ODAD2: variants seen among roughly 807,000 people sequenced by gnomAD.
The protein encoded by ODAD2 is outer dynein arm-docking complex subunit 2.
In ODAD2, 89 loss-of-function variants were observed where a neutral mutation model predicts 106.8. The ratio of observed to expected loss-of-function variants is 0.83; its 90% CI spans 0.70 to 0.99. The LOEUF is 0.99. Ranked by LOEUF, ODAD2 falls within the 50% of genes least tolerant of loss-of-function variation. The pLI is 0.00. For synonymous variants in ODAD2, 404 were observed against 436.2 expected (o/e 0.93, Z 0.92); for missense variants, 1,168 against 1,238.5 (o/e 0.94, Z 0.85).
At chr10:27,987,592 A>G in intron 2 of ODAD2, 49 bp from the exon 3 acceptor site, 1 of 1,368,352 alleles carries the variant, frequency 7.3e-7, no homozygotes, top group Non-Finnish European at 1.0e-6. Flanking sequence ...CCTAGAGGTC[A>G]GTAGAAGTTA....
At chr10:27,842,341 AT>A (rs1838367825) in intron 19 of ODAD2, among the ~76,000 whole-genome samples, 1 of 152,108 alleles carries the variant, frequency 6.6e-6, no homozygotes, top group African/African-American at 2.4e-5. Context: ...CTGTATCTTT[AT>A]TTCATTTCTT....
intron 19 of ODAD2, among the ~76,000 whole-genome samples, chr10:27,833,204 T>G (rs185118017): frequency 1.3e-5 from 2 of 152,346 alleles, no homozygotes; most frequent in East Asian, 3.9e-4. Context: ...GCTTTCTAAA[T>G]TTACAGTCTG....
rs961166061 is a variant in ODAD2, at chr10:27,940,636, G to A, written c.1913C>T (p.Ala638Val). ...IRKAGGIPLL[A>V]RLLKTSHENM... Reference sequence around the variant, plus strand: ...TTCATGAGAAGTCTTCAGCAGCCGAGCCAACAGAGGAATGCCCCCAGCTTT... The same window carrying A: ...TTCATGAGAAGTCTTCAGCAGCCGAACCAACAGAGGAATGCCCCCAGCTTT... The change falls in exon 13 of 20, where the codon GCT becomes GTT. Residue 638 changes from alanine to valine, a missense_variant. Ala to Val is a moderately conservative substitution (Grantham distance 64). Transcript: ENST00000305242. 13 of 1,613,980 alleles carry A rather than the reference G, an allele frequency of 8.1e-6. No homozygotes were observed. Among genetic ancestry groups the A allele is most frequent in the Non-Finnish European group, 1.0e-5 (12 of 1,180,008 alleles).
chr10:27,927,813 T>A (rs554701895), intron 16 of ODAD2, among the ~76,000 whole-genome samples: 4 of 152,280 alleles, frequency 2.6e-5, no homozygotes, highest in African/African-American at 9.6e-5. Flanking sequence ...ATGATTGAGT[T>A]CATTCTCCTT....
chr10:27,961,332 C>G (rs1848124098), intron 10 of ODAD2, among the ~76,000 whole-genome samples: 1 of 152,140 alleles, frequency 6.6e-6, no homozygotes, highest in Non-Finnish European at 1.5e-5. Context: ...GTTTACCATG[C>G]CCACTTCCCA....
At chr10:27,950,283 A>G (rs1482681279) in intron 10 of ODAD2, among the ~76,000 whole-genome samples, 5 of 152,140 alleles carry the variant, frequency 3.3e-5, no homozygotes, top group African/African-American at 1.2e-4. Context: ...TTCTCCCAGG[A>G]TCAGAAATGG....
intron 19 of ODAD2, among the ~76,000 whole-genome samples, chr10:27,859,479 C>T (rs942083292): frequency 6.6e-6 from 1 of 152,010 alleles, no homozygotes; most frequent in African/African-American, 2.4e-5. Context: ...GAGTACTATT[C>T]CTCCTAAGAT....
rs558352320 is a variant in ODAD2, at chr10:27,985,129, G to C, written c.465C>G (p.Gly155=). The change falls in exon 4 of 20, where the codon GGC becomes GGG. Residue 155 remains glycine, a synonymous_variant. Transcript: ENST00000305242. ...KENSIALNIL[G]KITRDDDPES... ...CAGGATCATCATCTCTGGTAATTTT[G>C]CCAAGAATATTTAATGCAATTGAGT... is the stretch of plus-strand genomic sequence containing the variant. 5.6e-6 allele frequency: 9 copies of C among 1,598,036 alleles called. No individual in the cohort carries two copies. In the South Asian group the frequency reaches 1.0e-4, roughly 18 times the overall value.
intron 1 of ODAD2, among the ~76,000 whole-genome samples, chr10:27,996,972 A>C (rs4387252): frequency 0.029 from 4,386 of 152,268 alleles, 116 homozygotes; most frequent in East Asian, 0.099. Context: ...ATCAATATTT[A>C]AAACTATATT....
At chr10:27,959,928 GCAA>G (rs1781628584) in intron 10 of ODAD2, among the ~76,000 whole-genome samples, 1 of 151,954 alleles carries the variant, frequency 6.6e-6, no homozygotes, top group African/African-American at 2.4e-5. Context: ...TAATTATATT[GCAA>G]CAACATGTAA....
In ODAD2 at chr10:27,985,018, C is replaced by T. The variant is rs1446825283; in HGVS notation, c.575+1G>A. ...GAGGTTCCTTTTTGAAAAAGACTCA[C>T]AATGAAATATGTTTTAGAGAATGAT... is the stretch of plus-strand genomic sequence containing the variant. On this transcript the variant is annotated splice_donor_variant, in intron 4 of 19. Transcript: ENST00000305242. LOFTEE classifies it high-confidence loss of function. The T allele has an allele frequency of 3.7e-6, 6 of 1,603,788 alleles. No homozygotes were observed. In the South Asian group the frequency reaches 6.7e-5, roughly 18 times the overall value.
chr10:27,823,330 A>G (rs747390233), intron 19 of ODAD2, among the ~76,000 whole-genome samples: 28 of 152,346 alleles, frequency 1.8e-4, no homozygotes, highest in Admixed American at 3.3e-4. Flanking sequence ...GCATTTTGCT[A>G]TTGGTTAGAT....
Position 27,909,858 on chromosome 10 carries a change from G to A in ODAD2, c.2496-2081C>T, listed in dbSNP as rs1364660758. 3.6e-5 allele frequency among the ~76,000 whole-genome samples: 5 copies of A among 140,610 alleles called. No homozygotes were observed. In the East Asian group the frequency reaches 8.4e-4, roughly 24 times the overall value. 92.2% of individuals were successfully genotyped at this position (140,610 alleles called of 152,430 possible). A position where few individuals can be genotyped will look rare whatever the true frequency, so the allele number is the denominator to read the frequency against. ...AAAAAAAAAAGACTCAGAACACTAC[G>A]GAATGATAACTTCCTATGACAAGAA... On this transcript the variant is annotated intron_variant, in intron 16 of 19. Transcript: ENST00000305242.
intron 7 of ODAD2, among the ~76,000 whole-genome samples, chr10:27,974,593 T>C (rs1849067737): frequency 6.6e-6 from 1 of 152,030 alleles, no homozygotes; most frequent in Non-Finnish European, 1.5e-5. Context: ...CTATGTGTCT[T>C]CTTTATATGC....
Position 27,846,007 on chromosome 10 carries a change from A to G in ODAD2, c.3021+14618T>C, listed in dbSNP as rs527648583. ...TAACACCCCACTGTCAACATTAGAC[A>G]GACCAATGAGACAGAAAGTTAACAA... On this transcript the variant is annotated intron_variant, in intron 19 of 19. Coordinates refer to ENST00000305242, the MANE Select transcript of ODAD2 (RefSeq NM_018076.5). Among the ~76,000 whole-genome samples, 120 of 152,332 alleles carry G rather than the reference A, an allele frequency of 7.9e-4. No homozygotes were observed. The East Asian group carries it at 0.019, about 25-fold the overall frequency.
intron 8 of ODAD2, 97 bp downstream of exon 8, chr10:27,970,995 TAAATAAATAAATAAAC>T (rs1321300172): frequency 0.032 from 12,983 of 403,146 alleles, 1,093 homozygotes; most frequent in African/African-American, 0.16. Flanking sequence ...AATAAATAAA[TAAATAAATAAATAAAC>T]AAACAAACAA....
intron 9 of ODAD2, among the ~76,000 whole-genome samples, chr10:27,962,194 A>G (rs1219583978): frequency 6.6e-6 from 1 of 152,258 alleles, no homozygotes; most frequent in Non-Finnish European, 1.5e-5. Flanking sequence ...AAGGGTATTC[A>G]GTGAATGTCC....
chr10:27,929,690 C>T (rs1056084461), intron 16 of ODAD2, among the ~76,000 whole-genome samples: 1 of 152,126 alleles, frequency 6.6e-6, no homozygotes, highest in Non-Finnish European at 1.5e-5. Flanking sequence ...TGAAGGATAA[C>T]TTGGCTAATG....
At chr10:27,974,379 T>C (rs1353506858) in intron 7 of ODAD2, among the ~76,000 whole-genome samples, 1 of 152,228 alleles carries the variant, frequency 6.6e-6, no homozygotes, top group Non-Finnish European at 1.5e-5. Flanking sequence ...TTTAAGTCTT[T>C]TATCCCGCTT....
Sources: gnomAD v4.1 joint callset for allele counts (sites outside exome capture counted in the v4.1 genomes callset) on GRCh38, gnomAD v4.1.1 for gene constraint, MANE v1.5 for transcripts, NCBI Gene and HGNC (gene_info 2026-07-23, HGNC 2026-07-21) for gene names.